Variants in CAVIN1 observed in about 807,000 individuals in gnomAD.
The protein encoded by CAVIN1 is caveolae-associated protein 1.
In CAVIN1, 16 loss-of-function variants were observed where a neutral mutation model predicts 24.0. That is an observed-to-expected ratio of 0.67 (90% CI 0.45 to 1.01). The LOEUF (loss-of-function observed/expected upper bound fraction) is 1.01, where lower values mean the gene tolerates loss of function less well. CAVIN1 is among the 50% of genes least tolerant of loss of function. The probability of loss-of-function intolerance (pLI) is 0.00; values close to 1 mark genes in which losing one functional copy is unlikely to be tolerated. For synonymous variants in CAVIN1, 256 were observed against 256.4 expected (o/e 1.00, Z 0.02); for missense variants, 510 against 551.7 (o/e 0.92, Z 0.76).
chr17:42,405,382 C>G lies in CAVIN1; in HGVS notation c.478G>C (p.Val160Leu). ...NFKVMIYQDE[V>L]KLPAKLSISK... ...ATGCTCAGTTTGGCCGGCAGCTTCA[C>G]TTCATCCTAAGGGAAGAGGAGAAGG... is the stretch of plus-strand genomic sequence containing the variant. Residue 160 changes from valine to leucine, a missense_variant, in exon 2 of 2, where the codon GTG (valine) becomes CTG (leucine). Val to Leu is a conservative substitution (Grantham distance 32). Coordinates refer to ENST00000357037, the MANE Select transcript of CAVIN1 (RefSeq NM_012232.6). The G allele has an allele frequency of 6.2e-7, 1 of 1,604,498 alleles. No homozygotes were observed. The highest frequency in any genetic ancestry group is 1.7e-5 in the Admixed American group (1 of 60,014).
chr17:42,415,795 A>G (rs537598445), intron 1 of CAVIN1, among the ~76,000 whole-genome samples: 1 of 152,248 alleles, frequency 6.6e-6, no homozygotes, highest in African/African-American at 2.4e-5. Flanking sequence ...GAATGATGAA[A>G]TATTCACAAT....
In CAVIN1 at chr17:42,418,300, C is replaced by T. The variant is rs182141076; in HGVS notation, c.471+4327G>A. The stretch of plus-strand genomic sequence containing the variant: ...AGGCTGGAGTGCAATGGTGCGATCT[C>T]GGCTCACCGCAACCTCTGCCTCCTG... On this transcript the variant is annotated intron_variant, in intron 1 of 1. Transcript: ENST00000357037. Among the ~76,000 whole-genome samples the T allele has an allele frequency of 3.5e-3, 511 of 147,104 alleles. 3 individuals are homozygous for T. The highest frequency in any genetic ancestry group is 0.012 in the African/African-American group (487 of 39,482).
chr17:42,419,162 A>AT (rs2085530127), intron 1 of CAVIN1, among the ~76,000 whole-genome samples: 1 of 152,118 alleles, frequency 6.6e-6, no homozygotes, highest in Non-Finnish European at 1.5e-5. Flanking sequence ...GTGTCACTGC[A>AT]CTCCAGCTTG....
Position 42,405,161 on chromosome 17 carries a change from C to T in CAVIN1, c.699G>A (p.Lys233=), listed in dbSNP as rs1379023751. The stretch of plus-strand genomic sequence containing the variant: ...CCATCTTCTCCTTGGAGAAGGCCTT[C>T]TTGAAGTCGTCCACGCGCCGCAGGC... ...RSGLRRVDDF[K]KAFSKEKMEK... Residue 233 remains lysine, a synonymous_variant, in exon 2 of 2, where the codon AAG becomes AAA. Coordinates refer to ENST00000357037, the MANE Select transcript of CAVIN1 (RefSeq NM_012232.6). The T allele has an allele frequency of 2.5e-6, 4 of 1,613,416 alleles. 1 individual carries two copies. In the South Asian group the frequency reaches 3.3e-5, roughly 13 times the overall value.
chr17:42,419,635 G>A (rs2085533231), intron 1 of CAVIN1, among the ~76,000 whole-genome samples: 1 of 152,116 alleles, frequency 6.6e-6, no homozygotes, highest in African/African-American at 2.4e-5. Flanking sequence ...TAGAGCAACT[G>A]CCTCTATATT....
Position 42,405,094 on chromosome 17 carries a change from G to T in CAVIN1, c.766C>A (p.Arg256Ser). ...VRTRENLEKT[R>S]LKTKENLEKT... ...TCCAGGTTTTCCTTGGTCTTGAGGCGCGTCTTCTCCAGGTTCTCGCGGGTA... is the reference window on the plus strand; with the variant it reads ...TCCAGGTTTTCCTTGGTCTTGAGGCTCGTCTTCTCCAGGTTCTCGCGGGTA... The change falls in exon 2 of 2, where the codon CGC becomes AGC. Residue 256 changes from arginine (R) to serine (S), a missense_variant. By Grantham distance (110) the Arg-to-Ser change is moderately radical (BLOSUM62 -1). Transcript: ENST00000357037. The T allele has an allele frequency of 3.1e-6, 5 of 1,614,026 alleles. No homozygotes were observed. Among genetic ancestry groups the T allele is most frequent in the Non-Finnish European group, 4.2e-6 (5 of 1,179,996 alleles).
At position 42,405,310 on chromosome 17, in the gene CAVIN1, C is replaced by G. The variant is rs199720089; in HGVS notation, c.550G>C (p.Glu184Gln). The G allele has an allele frequency of 1.2e-6, 2 of 1,611,768 alleles. No homozygotes were observed. The highest frequency in any genetic ancestry group is 1.7e-6 in the Non-Finnish European group (2 of 1,179,986). ...GGCCGCTCGCCCTCGCCCAGCTCCT[C>G]GCCCTCCTTCTCTGGCAGCGCCTCC... ...ESEALPEKEGEELGEGERPEE... is the reference protein window; with the variant it reads ...ESEALPEKEGQELGEGERPEE... The change falls in exon 2 of 2, where the codon GAG (glutamate) becomes CAG (glutamine). Residue 184 changes from glutamate to glutamine, a missense_variant. By Grantham distance (29) the Glu-to-Gln change is conservative (BLOSUM62 2). Coordinates refer to ENST00000357037, the MANE Select transcript of CAVIN1 (RefSeq NM_012232.6).
At position 42,404,497 on chromosome 17, in the gene CAVIN1, T is replaced by C. The variant is rs7207285; in HGVS notation, c.*190A>G. Reference sequence around the variant, plus strand: ...CACTCGGACTGTGTCCAAGCGGGGGTTGTCCACTGCGGGGGCTGCCTCCCC... The same window carrying C: ...CACTCGGACTGTGTCCAAGCGGGGGCTGTCCACTGCGGGGGCTGCCTCCCC... On this transcript the variant is annotated 3_prime_UTR_variant, in exon 2 of 2. Transcript: ENST00000357037. 415,168 of 465,006 alleles carry C rather than the reference T, an allele frequency of 0.89. 186,944 individuals carry two copies. The highest frequency in any genetic ancestry group is 0.99 in the East Asian group (26,501 of 26,638). 28.8% of individuals were successfully genotyped at this position (465,006 alleles called of 1,614,324 possible).
In CAVIN1 at chr17:42,423,204, G is replaced by C; in HGVS notation, c.-107C>G. The stretch of plus-strand genomic sequence containing the variant: ...AGGAGAGCTAGCGGGCGAGAGCGGA[G>C]AGCAGAGGAAACTCGAGCCACGTCC... On this transcript the variant is annotated 5_prime_UTR_variant, in exon 1 of 2. Transcript: ENST00000357037. 1 of 958,594 alleles carries C rather than the reference G, an allele frequency of 1.0e-6. No homozygotes were observed. Among genetic ancestry groups the C allele is most frequent in the Non-Finnish European group, 1.5e-6 (1 of 656,088 alleles). The allele number at this position is 958,594 out of a possible 1,614,324, so 59.4% of individuals were successfully genotyped here.
At chr17:42,408,795 T>TGTG (rs2085460307) in intron 1 of CAVIN1, among the ~76,000 whole-genome samples, 2 of 149,384 alleles carry the variant, frequency 1.3e-5, no homozygotes, top group African/African-American at 5.0e-5. Context: ...CCGGCCTTTT[T>TGTG]TTTTTTTTTT....
At chr17:42,417,606 T>C (rs1186727845) in intron 1 of CAVIN1, among the ~76,000 whole-genome samples, 4 of 152,206 alleles carry the variant, frequency 2.6e-5, no homozygotes, top group African/African-American at 9.7e-5. Context: ...ACCAGTTGTA[T>C]AAAAGTCTAG....
In CAVIN1 at chr17:42,404,978, C is replaced by T; in HGVS notation, c.882G>A (p.Arg294=). 1 of 1,614,158 alleles carries T rather than the reference C, an allele frequency of 6.2e-7. No homozygotes were observed. The highest frequency in any genetic ancestry group is 8.5e-7 in the Non-Finnish European group (1 of 1,180,012). ...AERREKLKTS[R]DKLRKSFTPD... ...GCGTGAAGGATTTGCGCAACTTGTC[C>T]CGCGACGTCTTCAGTTTCTCGCGCC... The change falls in exon 2 of 2, where the codon CGG becomes CGA. Residue 294 remains arginine (R), a synonymous_variant. Transcript: ENST00000357037.
intron 1 of CAVIN1, among the ~76,000 whole-genome samples, chr17:42,421,517 G>A (rs1462222345): frequency 6.6e-6 from 1 of 152,198 alleles, no homozygotes; most frequent in Non-Finnish European, 1.5e-5. Flanking sequence ...GCATCAGCAG[G>A]CCTTTGGGAG....
intron 1 of CAVIN1, chr17:42,412,267 G>A: frequency 1.0e-6 from 1 of 985,202 alleles, no homozygotes; most frequent in Non-Finnish European, 1.2e-6. Flanking sequence ...TGAGGAAAAG[G>A]GGTTTAAATG....
In CAVIN1 at chr17:42,404,621, G is replaced by C; in HGVS notation, c.*66C>G. Reference sequence around the variant, plus strand: ...AGAAAAATCTCAGCCAGCTCGAGCCGAGAGAGAATGCGAAAGAGGAAGTTC... The same window carrying C: ...AGAAAAATCTCAGCCAGCTCGAGCCCAGAGAGAATGCGAAAGAGGAAGTTC... On this transcript the variant is annotated 3_prime_UTR_variant, in exon 2 of 2. Transcript: ENST00000357037. 1.8e-6 allele frequency: 2 copies of C among 1,128,014 alleles called. No homozygotes were observed. The highest frequency in any genetic ancestry group is 2.4e-6 in the Non-Finnish European group (2 of 844,166). 69.9% of individuals were successfully genotyped at this position (1,128,014 alleles called of 1,614,324 possible). A position where few individuals can be genotyped will look rare whatever the true frequency, so the allele number is the denominator to read the frequency against.
At chr17:42,420,901 G>A (rs1473909616) in intron 1 of CAVIN1, among the ~76,000 whole-genome samples, 2 of 152,090 alleles carry the variant, frequency 1.3e-5, no homozygotes, top group East Asian at 3.9e-4. Flanking sequence ...ATATAGAGCT[G>A]GCTTGCTGTC....
chr17:42,417,445 C>A (rs1022464943), intron 1 of CAVIN1, among the ~76,000 whole-genome samples: 1 of 110,746 alleles, frequency 9.0e-6, no homozygotes, highest in East Asian at 2.5e-4. Flanking sequence ...AGCAACAGAG[C>A]GAGAACTTGT....
At position 42,404,861 on chromosome 17, in the gene CAVIN1, C is replaced by G; in HGVS notation, c.999G>C (p.Val333=). Residue 333 remains valine (V), a synonymous_variant, in exon 2 of 2, where the codon GTG becomes GTC. Transcript: ENST00000357037. The part of the protein sequence containing the change: ...FHVKKIREGQ[V]EVLKATEMVE... ...CCATCTCGGTGGCCTTGAGCACTTCCACCTGGCCCTCGCGGATCTTCTTGA... is the reference window on the plus strand; with the variant it reads ...CCATCTCGGTGGCCTTGAGCACTTCGACCTGGCCCTCGCGGATCTTCTTGA... 1 of 1,613,514 alleles carries G rather than the reference C, an allele frequency of 6.2e-7. No homozygotes were observed. Among genetic ancestry groups the G allele is most frequent in the Non-Finnish European group, 8.5e-7 (1 of 1,179,762 alleles).
At position 42,414,264 on chromosome 17, in the gene CAVIN1, G is replaced by A. The variant is rs533069521; in HGVS notation, c.471+8363C>T. Among the ~76,000 whole-genome samples the A allele has an allele frequency of 2.6e-5, 4 of 152,094 alleles. No homozygotes were observed. In the East Asian group the frequency reaches 7.7e-4, roughly 29 times the overall value. On this transcript the variant is annotated intron_variant, in intron 1 of 1. Transcript: ENST00000357037. ...AGGATGCTACCCCAAATGAGGAGAG[G>A]GATAGGCATGGAAGAGGGACATCCT...
Sources: allele counts gnomAD v4.1 joint callset (sites outside exome capture counted in the v4.1 genomes callset), GRCh38; gene constraint gnomAD v4.1.1; transcripts MANE v1.5; gene names NCBI Gene and HGNC (gene_info 2026-07-23, HGNC 2026-07-21).